Variants in EXOSC9 observed in about 807,000 individuals in gnomAD.
EXOSC9 encodes the protein exosome complex component RRP45.
A neutral mutation model predicts 56.5 loss-of-function variants in EXOSC9; 38 were observed. The ratio of observed to expected loss-of-function variants is 0.67; its 90% CI spans 0.52 to 0.88. The LOEUF (loss-of-function observed/expected upper bound fraction) is 0.88, where lower values mean the gene tolerates loss of function less well. Among genes scored for constraint, EXOSC9 ranks in the 40% least tolerant of loss-of-function variants. EXOSC9 has a pLI of 0.00. For synonymous variants in EXOSC9, 170 were observed against 170.8 expected (o/e 0.99, Z 0.04); for missense variants, 559 against 530.5 (o/e 1.05, Z -0.53).
chr4:121,807,566 AC>A lies in EXOSC9; in HGVS notation c.551del (p.Pro184HisfsTer2). On this transcript the variant is annotated frameshift_variant, in exon 6 of 12. Transcript: ENST00000243498. LOFTEE classifies it high-confidence loss of function. ...ATACACCTGAAGAGCGTGATCCTGT[AC>A]CATTAAGTATCCACCACATGCCCAT... is the stretch of plus-strand genomic sequence containing the variant. ...LYTPEERDPV[P>X]LSIHHMPICV... is the part of the protein sequence containing the mutation. The A allele has an allele frequency of 1.9e-6, 3 of 1,612,826 alleles. No individual in the cohort carries two copies. Among genetic ancestry groups the A allele is most frequent in the Non-Finnish European group, 2.5e-6 (3 of 1,178,860 alleles).
intron 4 of EXOSC9, among the ~76,000 whole-genome samples, chr4:121,803,912 C>G (rs1014604361): frequency 5.3e-5 from 8 of 152,266 alleles, no homozygotes; most frequent in African/African-American, 1.9e-4. Flanking sequence ...TATTCCATAC[C>G]TAAGCATAAT....
chr4:121,813,139 A>G, intron 8 of EXOSC9, 95 bp from the exon 9 acceptor site: 3 of 1,180,982 alleles, frequency 2.5e-6, no homozygotes, highest in Middle Eastern at 2.1e-4. Flanking sequence ...TCATCCACCA[A>G]AGGATAAAAT....
At chr4:121,803,150 G>A (rs965974932) in intron 4 of EXOSC9, 133 bp downstream of exon 4, 5 of 650,692 alleles carry the variant, frequency 7.7e-6, no homozygotes, top group African/African-American at 7.3e-5. Flanking sequence ...AGATGTTCTT[G>A]AGTGATACCC....
intron 9 of EXOSC9, 134 bp downstream of exon 9, chr4:121,813,514 A>G (rs566398754): frequency 1.3e-6 from 1 of 766,652 alleles, no homozygotes; most frequent in East Asian, 2.5e-5. Flanking sequence ...AACACTTAAA[A>G]TACAAGATAG....
At chr4:121,815,873 C>T in intron 10 of EXOSC9, 4 of 1,136,280 alleles carry the variant, frequency 3.5e-6, no homozygotes, top group Non-Finnish European at 4.3e-6. Context: ...ATTCAAGCAC[C>T]TGTAGGAAAT....
intron 7 of EXOSC9, among the ~76,000 whole-genome samples, chr4:121,810,825 T>G (rs1214849585): frequency 6.6e-6 from 1 of 152,208 alleles, no homozygotes; most frequent in Admixed American, 6.5e-5. Flanking sequence ...ATCGTGTCAC[T>G]GCATTCCAGC....
intron 5 of EXOSC9, among the ~76,000 whole-genome samples, chr4:121,806,642 G>A (rs1727030263): frequency 6.6e-6 from 1 of 152,152 alleles, no homozygotes; most frequent in Non-Finnish European, 1.5e-5. Context: ...TAGATAAAAT[G>A]TCATATATAC....
intron 6 of EXOSC9, chr4:121,807,841 T>C: frequency 1.7e-6 from 1 of 578,416 alleles, no homozygotes; most frequent in East Asian, 2.9e-5. Flanking sequence ...CCAACATTTT[T>C]CTTTTCATGG....
At chr4:121,808,075 A>C (rs904307234) in intron 6 of EXOSC9, among the ~76,000 whole-genome samples, 1 of 152,146 alleles carries the variant, frequency 6.6e-6, no homozygotes. Flanking sequence ...AAAAAAATCT[A>C]ATGTTCTTAA....
chr4:121,816,586 G>A, intron 11 of EXOSC9, 139 bp downstream of exon 11: 1 of 811,410 alleles, frequency 1.2e-6, no homozygotes, highest in Non-Finnish European at 1.9e-6. Flanking sequence ...CATCTGTTCT[G>A]TGATTTTTTT....
At chr4:121,802,267 G>A (rs1443081429) in intron 2 of EXOSC9, among the ~76,000 whole-genome samples, 6 of 152,172 alleles carry the variant, frequency 3.9e-5, no homozygotes, top group Non-Finnish European at 4.4e-5. Context: ...TGAGTGACAT[G>A]AAAATTAGGT....
At chr4:121,814,124 T>TA (rs1355129900) in intron 10 of EXOSC9, 77 bp downstream of exon 10, 4 of 867,818 alleles carry the variant, frequency 4.6e-6, no homozygotes, top group Admixed American at 2.2e-5. Context: ...ATATAATGCA[T>TA]AAAATGTGTG....
At chr4:121,816,589 A>G in intron 11 of EXOSC9, 142 bp downstream of exon 11, 1 of 821,226 alleles carries the variant, frequency 1.2e-6, no homozygotes, top group South Asian at 2.2e-5. Flanking sequence ...CTGTTCTGTG[A>G]TTTTTTTACC....
intron 6 of EXOSC9, 52 bp from the exon 7 acceptor site, chr4:121,809,915 T>C: frequency 3.1e-6 from 5 of 1,605,494 alleles, no homozygotes; most frequent in East Asian, 2.2e-5. Flanking sequence ...ACCCAAGAAA[T>C]GGTAAGCATT....
At chr4:121,803,263 T>C (rs528396581) in intron 4 of EXOSC9, among the ~76,000 whole-genome samples, 4 of 152,176 alleles carry the variant, frequency 2.6e-5, no homozygotes, top group African/African-American at 9.6e-5. Context: ...TCACCCTTTA[T>C]CTTAAAAGGG....
In EXOSC9 at chr4:121,807,593, T is replaced by G. The variant is rs200764818; in HGVS notation, c.576T>G (p.Ile192Met). The G allele has an allele frequency of 3.3e-4, 526 of 1,613,614 alleles. No individual in the cohort carries two copies. Among genetic ancestry groups the G allele is most frequent in the South Asian group, 5.7e-4 (52 of 91,068 alleles). ...PVPLSIHHMP[I>M]CVSFAFFQQG... is the part of the protein sequence containing the mutation. ...CATTAAGTATCCACCACATGCCCAT[T>G]TGTGTCAGTTTTGCCTTTTTCCAGC... The change falls in exon 6 of 12, where the codon ATT becomes ATG. Residue 192 changes from isoleucine to methionine, a missense_variant. By Grantham distance (10) the Ile-to-Met change is conservative. Transcript: ENST00000243498.
Position 121,816,916 on chromosome 4 carries a change from G to C in EXOSC9, c.*60G>C. ...AAAAGGGATATTTATTCCATTCTGA[G>C]AACCCTGGGTATTTTTTATTCACAA... On this transcript the variant is annotated 3_prime_UTR_variant, in exon 12 of 12. Transcript: ENST00000243498. The C allele has an allele frequency of 2.2e-6, 3 of 1,395,220 alleles. No homozygotes were observed. The highest frequency in any genetic ancestry group is 2.9e-6 in the Non-Finnish European group (3 of 1,050,108). 86.4% of individuals were successfully genotyped at this position (1,395,220 alleles called of 1,614,324 possible).
At chr4:121,810,544 G>C (rs6823818) in intron 7 of EXOSC9, among the ~76,000 whole-genome samples, 41,139 of 151,926 alleles carry the variant, frequency 0.27, 6,195 homozygotes, top group Non-Finnish European at 0.32. Flanking sequence ...TGGGTGTGGT[G>C]GCTGGCGCAC....
intron 5 of EXOSC9, among the ~76,000 whole-genome samples, chr4:121,806,002 A>G (rs1314632893): frequency 6.6e-6 from 1 of 151,880 alleles, no homozygotes; most frequent in African/African-American, 2.4e-5. Context: ...ATATGGTTTC[A>G]CCAAATTGCC....
Sources: allele counts gnomAD v4.1 joint callset (sites outside exome capture counted in the v4.1 genomes callset), GRCh38; gene constraint gnomAD v4.1.1; transcripts MANE v1.5; gene names NCBI Gene and HGNC (gene_info 2026-07-23, HGNC 2026-07-21).